TENM1: variants seen among roughly 807,000 people sequenced by gnomAD.
TENM1 encodes teneurin-1.
In TENM1, 35 loss-of-function variants were observed where a neutral mutation model predicts 174.8. The ratio of observed to expected loss-of-function variants is 0.20; its 90% CI spans 0.15 to 0.27. TENM1 has a LOEUF of 0.27. Among genes scored for constraint, TENM1 ranks in the 10% least tolerant of loss-of-function variants. The pLI is 1.00. For missense variants in TENM1, 1,633 were observed against 2,130.1 expected (o/e 0.77, Z 4.59); for synonymous variants, 781 against 798.7 (o/e 0.98, Z 0.37).
intron 11 of TENM1, among the ~76,000 whole-genome samples, chrX:124,596,889 G>T (rs747149937): frequency 3.6e-5 from 4 of 110,603 alleles, no homozygotes; most frequent in African/African-American, 6.6e-5. Flanking sequence ...GGAAGAAGAG[G>T]ATATATAAGT....
At chrX:124,444,808 A>G (rs917173056) in intron 23 of TENM1, among the ~76,000 whole-genome samples, 21 of 111,391 alleles carry the variant, frequency 1.9e-4, no homozygotes, top group Non-Finnish European at 2.6e-4. Context: ...AAGGAACTCA[A>G]AACCATGTAA....
chrX:125,058,987 TCACA>T, the TENM1 span, among the ~76,000 whole-genome samples: 31 of 103,627 alleles, frequency 3.0e-4, no homozygotes, highest in South Asian at 1.3e-3. Flanking sequence ...TTCATCATCA[TCACA>T]CACACACACA....
the TENM1 span, among the ~76,000 whole-genome samples, chrX:124,990,864 G>C: frequency 9.0e-6 from 1 of 111,604 alleles, no homozygotes; most frequent in African/African-American, 3.3e-5. Flanking sequence ...TTCTAGCCTA[G>C]GTAGCACTCC....
At chrX:124,425,632 T>A (rs958944928) in intron 23 of TENM1, among the ~76,000 whole-genome samples, 3 of 112,300 alleles carry the variant, frequency 2.7e-5, no homozygotes, top group Non-Finnish European at 5.6e-5. Flanking sequence ...AAGAGCTAAA[T>A]AAATGTTTTT....
At chrX:125,154,792 C>T in the TENM1 span, among the ~76,000 whole-genome samples, 1 of 109,438 alleles carries the variant, frequency 9.1e-6, no homozygotes, top group Admixed American at 9.7e-5. Flanking sequence ...TGCAGACTTT[C>T]GCGGTGAGTG....
intron 11 of TENM1, 61 bp from the exon 15 acceptor site, chrX:124,565,621 CA>C (rs2048923889): frequency 1.2e-6 from 1 of 827,737 alleles, no homozygotes; most frequent in South Asian, 5.4e-5. Context: ...TCCATTCTTC[CA>C]AAAAACATTA....
chrX:124,474,765 G>T (rs1303400098), intron 22 of TENM1, among the ~76,000 whole-genome samples: 3 of 111,501 alleles, frequency 2.7e-5, no homozygotes, highest in Non-Finnish European at 5.7e-5. Context: ...CTAAGCAGAT[G>T]CATTAGATGA....
At chrX:124,914,698 C>T (rs2057893319) in intron 1 of TENM1, among the ~76,000 whole-genome samples, 1 of 111,083 alleles carries the variant, frequency 9.0e-6, no homozygotes, top group Non-Finnish European at 1.9e-5. Context: ...ATATCTTGAG[C>T]CAATACAGTT....
chrX:124,795,947 G>T (rs1378656327), intron 3 of TENM1, among the ~76,000 whole-genome samples: 1 of 110,600 alleles, frequency 9.0e-6, no homozygotes, highest in African/African-American at 3.3e-5. Context: ...ATTAGTAAGG[G>T]TTACTTGGTT....
intron 18 of TENM1, among the ~76,000 whole-genome samples, chrX:124,519,753 A>G (rs1188341669): frequency 9.0e-6 from 1 of 111,665 alleles, no homozygotes; most frequent in Non-Finnish European, 1.9e-5. Flanking sequence ...ATTGCTTGCC[A>G]TCATTTCTTA....
At chrX:124,824,120 A>G (rs1217098337) in intron 3 of TENM1, among the ~76,000 whole-genome samples, 1 of 111,433 alleles carries the variant, frequency 9.0e-6, no homozygotes, top group Non-Finnish European at 1.9e-5. Context: ...TTTACATTTA[A>G]CTGCACAAAA....
chrX:125,057,118 G>C, the TENM1 span, among the ~76,000 whole-genome samples: 1 of 111,700 alleles, frequency 9.0e-6, no homozygotes, highest in East Asian at 2.8e-4. Context: ...ATTCCTAAAG[G>C]ATGCTCTCTC....
intron 23 of TENM1, among the ~76,000 whole-genome samples, chrX:124,450,152 A>C: frequency 9.1e-6 from 1 of 110,387 alleles, no homozygotes. Context: ...GGTTTTAAAA[A>C]TGGGAGTTTT....
the TENM1 span, among the ~76,000 whole-genome samples, chrX:124,982,163 G>T: frequency 4.4e-5 from 3 of 67,810 alleles, 1 homozygote; most frequent in African/African-American, 2.9e-4. Context: ...AAGGTAAAGT[G>T]TTGTGCATCT....
the TENM1 span, among the ~76,000 whole-genome samples, chrX:124,993,084 T>C: frequency 9.1e-6 from 1 of 110,346 alleles, no homozygotes; most frequent in Non-Finnish European, 1.9e-5. Flanking sequence ...CCTCCAACCA[T>C]CTCCGGTTAG....
chrX:124,761,599 G>A (rs1223098211), intron 3 of TENM1, among the ~76,000 whole-genome samples: 1 of 107,514 alleles, frequency 9.3e-6, no homozygotes, highest in African/African-American at 3.4e-5. Flanking sequence ...TGTAAATGAC[G>A]AGTTAATGCG....
chrX:125,083,566 G>C, the TENM1 span, among the ~76,000 whole-genome samples: 3 of 110,244 alleles, frequency 2.7e-5, no homozygotes, highest in Non-Finnish European at 5.7e-5. Flanking sequence ...ACATTACTAA[G>C]TTTTTGAAAG....
At chrX:124,856,398 C>A (rs1201539810) in intron 3 of TENM1, among the ~76,000 whole-genome samples, 1 of 111,201 alleles carries the variant, frequency 9.0e-6, no homozygotes, top group Non-Finnish European at 1.9e-5. Context: ...AAAACTTAAA[C>A]ATTATATTAA....
rs113901496 is a variant in TENM1, at chrX:124,411,315, A to C, written c.4983-4826T>G. Among the ~76,000 whole-genome samples, 270 of 110,534 alleles carry C rather than the reference A, an allele frequency of 2.4e-3. 1 individual carries two copies. Among genetic ancestry groups the C allele is most frequent in the African/African-American group, 8.7e-3 (262 of 30,207 alleles). On this transcript the variant is annotated intron_variant, in intron 25 of 31. Transcript: ENST00000422452. ...TTAGCTGGGAGACTGCTTGGTGTAT[A>C]TGTGTGTGTTTGTGTGTGTGTATGT...
Sources: gnomAD v4.1 joint callset for allele counts (sites outside exome capture counted in the v4.1 genomes callset) on GRCh38, gnomAD v4.1.1 for gene constraint, MANE v1.5 for transcripts, NCBI Gene and HGNC (gene_info 2026-07-23, HGNC 2026-07-21) for gene names.